The following TBXAS1 variants were observed in gnomAD, a reference collection of about 807,000 sequenced individuals.
The protein encoded by TBXAS1 is thromboxane-A synthase.
A neutral mutation model predicts 60.7 loss-of-function variants in TBXAS1; 48 were observed. The ratio of observed to expected loss-of-function variants is 0.79; its 90% CI spans 0.63 to 1.01. The LOEUF (loss-of-function observed/expected upper bound fraction) is 1.01. Ranked by LOEUF, TBXAS1 falls within the 50% of genes least tolerant of loss-of-function variation. The pLI is 0.00. For missense variants in TBXAS1, 685 were observed against 686.3 expected (o/e 1.00, Z 0.02); for synonymous variants, 287 against 269.7 (o/e 1.06, Z -0.63).
At chr7:140,018,931 C>G (rs1815315036) in intron 12 of TBXAS1, among the ~76,000 whole-genome samples, 1 of 152,228 alleles carries the variant, frequency 6.6e-6, no homozygotes, top group Non-Finnish European at 1.5e-5. Context: ...CAAGCTCTCC[C>G]TCCTTCCTGA....
At chr7:139,963,433 A>G (rs1810526097) in intron 9 of TBXAS1, among the ~76,000 whole-genome samples, 1 of 152,246 alleles carries the variant, frequency 6.6e-6, no homozygotes, top group African/African-American at 2.4e-5. Flanking sequence ...CATCCAAGTC[A>G]TTGATTAAAA....
intron 5 of TBXAS1, among the ~76,000 whole-genome samples, chr7:139,951,815 A>C (rs1424529981): frequency 7.5e-5 from 7 of 93,000 alleles, no homozygotes; most frequent in African/African-American, 2.4e-4. Context: ...GAAACAAAGA[A>C]GAAGGAAAGA....
intron 9 of TBXAS1, among the ~76,000 whole-genome samples, chr7:139,965,149 C>T (rs1420800507): frequency 2.6e-5 from 4 of 151,810 alleles, no homozygotes; most frequent in African/African-American, 9.7e-5. Context: ...AGCAGGGAGG[C>T]GGAGGTTGCA....
chr7:139,857,889 C>T (rs1202153073), intron 1 of TBXAS1, among the ~76,000 whole-genome samples: 1 of 152,018 alleles, frequency 6.6e-6, no homozygotes, highest in Non-Finnish European at 1.5e-5. Context: ...CACCACCACA[C>T]CTGGCAATTT....
chr7:139,809,341 T>TAGATAGAC (rs1251334637), intron 4 of TBXAS1, among the ~76,000 whole-genome samples: 1 of 151,238 alleles, frequency 6.6e-6, no homozygotes, highest in Non-Finnish European at 1.5e-5. Flanking sequence ...GATAGATAGA[T>TAGATAGAC]AGATAGATAG....
intron 5 of TBXAS1, among the ~76,000 whole-genome samples, chr7:139,937,065 T>A (rs553268610): frequency 1.3e-5 from 2 of 152,172 alleles, no homozygotes; most frequent in African/African-American, 4.8e-5. Context: ...ACACAACAGA[T>A]CCTGACTGCT....
At chr7:140,010,538 T>C (rs1176674680) in intron 10 of TBXAS1, among the ~76,000 whole-genome samples, 1 of 152,112 alleles carries the variant, frequency 6.6e-6, no homozygotes, top group African/African-American at 2.4e-5. Context: ...GTCCAGGCTG[T>C]TTCCAGAAAA....
intron 5 of TBXAS1, 73 bp from the exon 6 acceptor site, chr7:139,953,295 C>G: frequency 8.0e-7 from 1 of 1,251,738 alleles, no homozygotes; most frequent in Admixed American, 1.7e-5. Context: ...TACATATAAC[C>G]TCTTCATCTG....
At chr7:139,884,771 C>T (rs1390911164) in intron 3 of TBXAS1, among the ~76,000 whole-genome samples, 1 of 152,186 alleles carries the variant, frequency 6.6e-6, no homozygotes, top group Non-Finnish European at 1.5e-5. Context: ...GTGGGTGGTT[C>T]AGGAACCTGA....
At chr7:139,905,565 G>A (rs1052674338) in intron 3 of TBXAS1, among the ~76,000 whole-genome samples, 3 of 152,168 alleles carry the variant, frequency 2.0e-5, no homozygotes, top group African/African-American at 7.2e-5. Flanking sequence ...AAGGATATCG[G>A]TCTGTAGTTT....
chr7:139,915,192 A>G (rs192293945), intron 4 of TBXAS1, among the ~76,000 whole-genome samples: 2 of 152,324 alleles, frequency 1.3e-5, no homozygotes, highest in East Asian at 3.9e-4. Context: ...AACAGTCTTT[A>G]AAGTGGGATT....
intron 3 of TBXAS1, among the ~76,000 whole-genome samples, chr7:139,784,431 T>C (rs1320987004): frequency 2.0e-5 from 3 of 152,226 alleles, no homozygotes; most frequent in Non-Finnish European, 1.5e-5. Flanking sequence ...GCAAGGAGCA[T>C]GATACAATAT....
intron 3 of TBXAS1, among the ~76,000 whole-genome samples, chr7:139,882,871 GA>G (rs1048162086): frequency 6.6e-6 from 1 of 152,160 alleles, no homozygotes; most frequent in Non-Finnish European, 1.5e-5. Flanking sequence ...CATAATTATT[GA>G]GCATCATTCA....
intron 2 of TBXAS1, among the ~76,000 whole-genome samples, chr7:139,781,564 G>A (rs1796989614): frequency 6.6e-6 from 1 of 152,196 alleles, no homozygotes; most frequent in South Asian, 2.1e-4. Flanking sequence ...GGGTGCTGTG[G>A]CTCACGCCTG....
chr7:139,820,595 G>T (rs1798271559), intron 4 of TBXAS1, among the ~76,000 whole-genome samples: 1 of 152,082 alleles, frequency 6.6e-6, no homozygotes, highest in Non-Finnish European at 1.5e-5. Flanking sequence ...ACCCTAAATA[G>T]CATCAAGTCA....
chr7:139,952,722 T>C (rs1299614477), intron 5 of TBXAS1: 2 of 1,489,000 alleles, frequency 1.3e-6, no homozygotes, highest in Admixed American at 2.4e-5. Context: ...AAAAGTATTT[T>C]CCTATTAAAA....
chr7:139,808,860 G>A (rs1402092182), intron 4 of TBXAS1, among the ~76,000 whole-genome samples: 2 of 151,756 alleles, frequency 1.3e-5, no homozygotes, highest in African/African-American at 4.8e-5. Flanking sequence ...GGTGAATTAT[G>A]ATTTAAAGAA....
chr7:139,952,585 G>A (rs559884287), intron 5 of TBXAS1: 1 of 1,537,222 alleles, frequency 6.5e-7, no homozygotes, highest in East Asian at 2.4e-5. Context: ...AGAATAAAAG[G>A]TCACATGGGT....
chr7:140,011,286 AAAC>A (rs776559331), intron 10 of TBXAS1, among the ~76,000 whole-genome samples: 8 of 1,560 alleles, frequency 5.1e-3, no homozygotes, highest in Middle Eastern at 0.5. Flanking sequence ...CAAAAAAAAC[AAAC>A]AAACAAACAA....
Sources: gnomAD v4.1 joint callset for allele counts (sites outside exome capture counted in the v4.1 genomes callset) on GRCh38, gnomAD v4.1.1 for gene constraint, MANE v1.5 for transcripts, NCBI Gene and HGNC (gene_info 2026-07-23, HGNC 2026-07-21) for gene names.